Variants in CSPP1 observed in about 807,000 individuals in gnomAD.
CSPP1 encodes centrosome and spindle pole-associated protein 1.
A neutral mutation model predicts 164.4 loss-of-function variants in CSPP1; 126 were observed. The observed-to-expected ratio is 0.77, with a 90% CI of 0.66 to 0.89. The LOEUF is 0.89. CSPP1 is among the 40% of genes least tolerant of loss of function. The probability of loss-of-function intolerance (pLI) is 0.00; values close to 1 mark genes in which losing one functional copy is unlikely to be tolerated. For missense variants in CSPP1, 1,395 were observed against 1,449.8 expected (o/e 0.96, Z 0.61); for synonymous variants, 472 against 476.7 (o/e 0.99, Z 0.13).
chr8:67,162,044 T>C (rs866443873), intron 22 of CSPP1, 129 bp downstream of exon 22: 1 of 625,402 alleles, frequency 1.6e-6, no homozygotes, highest in Non-Finnish European at 2.8e-6. Flanking sequence ...AGGTGATATC[T>C]ACAGTAATTT....
chr8:67,117,089 A>G (rs1163782057), intron 13 of CSPP1, among the ~76,000 whole-genome samples: 8 of 152,114 alleles, frequency 5.3e-5, no homozygotes, highest in East Asian at 1.9e-4. Context: ...TTGAACTTCA[A>G]TTTTCTCATT....
At chr8:67,069,653 C>G (rs1280686871) in intron 1 of CSPP1, among the ~76,000 whole-genome samples, 3 of 140,274 alleles carry the variant, frequency 2.1e-5, no homozygotes, top group Non-Finnish European at 4.7e-5. Context: ...TCTTTTTTTT[C>G]TTTTCTTTCT....
At chr8:67,144,466 G>A (rs942609534) in intron 17 of CSPP1, among the ~76,000 whole-genome samples, 3 of 152,114 alleles carry the variant, frequency 2.0e-5, no homozygotes, top group African/African-American at 7.2e-5. Flanking sequence ...TTGAGACAGA[G>A]TCTTGCTCTG....
chr8:67,121,133 G>T (rs1301867182), intron 15 of CSPP1, among the ~76,000 whole-genome samples: 1 of 152,134 alleles, frequency 6.6e-6, no homozygotes, highest in African/African-American at 2.4e-5. Flanking sequence ...GATTACAGGT[G>T]TGAGCCACTG....
intron 26 of CSPP1, among the ~76,000 whole-genome samples, chr8:67,177,070 CAA>C (rs36084458): frequency 2.7e-4 from 14 of 51,880 alleles, no homozygotes; most frequent in South Asian, 7.0e-4. Context: ...GACTTAGTCT[CAA>C]AAAAAAAAAA....
rs1171275894 is a variant in CSPP1, at chr8:67,083,531, CAA to C, written c.200-2459_200-2458del. On this transcript the variant is annotated intron_variant, in intron 3 of 30. Transcript: ENST00000678616. ...TGGGCAACAGAGTGAGACTTTGTCT[CAA>C]AAAAAAAAAAAAAAAATATATATAT... is the stretch of plus-strand genomic sequence containing the variant. Among the ~76,000 whole-genome samples, 689 of 71,786 alleles carry C rather than the reference CAA, an allele frequency of 9.6e-3. 2 individuals are homozygous for C. Among genetic ancestry groups the C allele is most frequent in the African/African-American group, 0.03 (423 of 14,024 alleles). 47.1% of individuals were successfully genotyped at this position (71,786 alleles called of 152,430 possible). A position where few individuals can be genotyped will look rare whatever the true frequency, so the allele number is the denominator to read the frequency against.
At chr8:67,110,550 A>C (rs1816641244) in intron 9 of CSPP1, among the ~76,000 whole-genome samples, 1 of 152,208 alleles carries the variant, frequency 6.6e-6, no homozygotes, top group African/African-American at 2.4e-5. Context: ...CACACTGCAA[A>C]GTCTGAAGGG....
chr8:67,181,644 T>C (rs200258954), intron 28 of CSPP1, among the ~76,000 whole-genome samples: 2 of 152,188 alleles, frequency 1.3e-5, no homozygotes, highest in African/African-American at 4.8e-5. Context: ...TTTCAGTGCA[T>C]TATTTTAAAA....
intron 15 of CSPP1, among the ~76,000 whole-genome samples, chr8:67,129,114 T>C (rs1185678154): frequency 2.0e-5 from 3 of 152,054 alleles, no homozygotes; most frequent in East Asian, 1.9e-4. Flanking sequence ...GATATCCCAA[T>C]AGACAAAGGA....
At chr8:67,064,993 G>T (rs1805234690) in intron 1 of CSPP1, 1 of 155,810 alleles carries the variant, frequency 6.4e-6, no homozygotes, top group Admixed American at 6.3e-5. Flanking sequence ...TCCAGGGCCC[G>T]GGGGCGAGCG....
At chr8:67,089,800 T>G (rs1275505201) in intron 4 of CSPP1, among the ~76,000 whole-genome samples, 1 of 151,736 alleles carries the variant, frequency 6.6e-6, no homozygotes, top group East Asian at 1.9e-4. Flanking sequence ...AGAATTAAAG[T>G]TTTTTTGGTA....
chr8:67,170,260 C>T (rs952711177), intron 24 of CSPP1, among the ~76,000 whole-genome samples: 2 of 148,144 alleles, frequency 1.4e-5, no homozygotes, highest in African/African-American at 2.5e-5. Flanking sequence ...GCCTGACCAA[C>T]GTGGCAAAAT....
chr8:67,090,762 A>G (rs1411417947), intron 4 of CSPP1, among the ~76,000 whole-genome samples: 2 of 152,340 alleles, frequency 1.3e-5, no homozygotes, highest in African/African-American at 2.4e-5. Context: ...TATCCCTACC[A>G]TCTGAAAATA....
At position 67,076,500 on chromosome 8, in the gene CSPP1, C is replaced by T; in HGVS notation, c.118C>T (p.Leu40Phe). ...CTTTCAGGGAAAGTTGTCAGCGAAG[C>T]TTTCTGAAAACAGTAAGATACTGAT... ...MEMKGKLSAK[L>F]SENSKILISM... The change falls in exon 3 of 31, where the codon CTT becomes TTT. Residue 40 changes from leucine to phenylalanine, a missense_variant. Coordinates refer to ENST00000678616, the MANE Select transcript of CSPP1 (RefSeq NM_001382391.1). The T allele has an allele frequency of 6.3e-7, 1 of 1,587,616 alleles. No homozygotes were observed.
At chr8:67,115,623 A>G (rs1214971974) in intron 12 of CSPP1, among the ~76,000 whole-genome samples, 3 of 152,154 alleles carry the variant, frequency 2.0e-5, no homozygotes, top group Admixed American at 6.5e-5. Flanking sequence ...GTGACCTGAG[A>G]TCATGCCACT....
chr8:67,142,654 A>G (rs1823736360), intron 17 of CSPP1, among the ~76,000 whole-genome samples: 3 of 152,188 alleles, frequency 2.0e-5, no homozygotes. Context: ...GTGTGAACAT[A>G]AATTTTTATT....
At chr8:67,165,051 A>T (rs1415355229) in intron 24 of CSPP1, among the ~76,000 whole-genome samples, 1 of 152,178 alleles carries the variant, frequency 6.6e-6, no homozygotes. Context: ...TTGGGAGGCC[A>T]AGGTGGGCGG....
chr8:67,140,697 C>T (rs994593728), intron 17 of CSPP1, among the ~76,000 whole-genome samples: 1 of 152,166 alleles, frequency 6.6e-6, no homozygotes, highest in Non-Finnish European at 1.5e-5. Context: ...AATAAACAAA[C>T]CCAAATTCTT....
At chr8:67,131,174 C>A (rs1333119825) in intron 15 of CSPP1, among the ~76,000 whole-genome samples, 2 of 152,120 alleles carry the variant, frequency 1.3e-5, no homozygotes, top group Admixed American at 1.3e-4. Flanking sequence ...GCAGGAAGAT[C>A]ACTTGAGCTT....
Sources: gnomAD v4.1 joint callset for allele counts (sites outside exome capture counted in the v4.1 genomes callset) on GRCh38, gnomAD v4.1.1 for gene constraint, MANE v1.5 for transcripts, NCBI Gene and HGNC (gene_info 2026-07-23, HGNC 2026-07-21) for gene names.